The following AGMO variants were observed in gnomAD, a reference collection of about 807,000 sequenced individuals.
AGMO encodes the protein glyceryl-ether monooxygenase.
Under a neutral mutation model 60.2 loss-of-function variants are expected in AGMO, and 75 were observed. The observed-to-expected ratio is 1.25, with a 90% CI of 1.03 to 1.51. The LOEUF (loss-of-function observed/expected upper bound fraction) is 1.51, where lower values mean the gene tolerates loss of function less well. Among genes scored for constraint, AGMO ranks in the 40% most tolerant of loss-of-function variants. The pLI, the probability that AGMO is intolerant of heterozygous loss-of-function variation, is 0.00. For synonymous variants in AGMO, 261 were observed against 177.1 expected (o/e 1.47, Z -3.76); for missense variants, 763 against 525.5 (o/e 1.45, Z -4.42).
intron 3 of AGMO, among the ~76,000 whole-genome samples, chr7:15,537,797 G>C (rs901052460): frequency 6.6e-6 from 1 of 151,936 alleles, no homozygotes; most frequent in African/African-American, 2.4e-5. Flanking sequence ...AGCAAAGTTA[G>C]TCTGTATCTT....
chr7:15,221,105 T>C (rs1485913998), intron 12 of AGMO, among the ~76,000 whole-genome samples: 1 of 152,188 alleles, frequency 6.6e-6, no homozygotes, highest in Non-Finnish European at 1.5e-5. Flanking sequence ...TTTTCTGTTG[T>C]TGTTTTCTCA....
At chr7:15,260,584 C>T (rs950232547) in intron 12 of AGMO, among the ~76,000 whole-genome samples, 1 of 151,992 alleles carries the variant, frequency 6.6e-6, no homozygotes. Context: ...CTTTAATATT[C>T]CACTGACAGC....
intron 3 of AGMO, among the ~76,000 whole-genome samples, chr7:15,529,425 T>C (rs73679644): frequency 0.016 from 2,355 of 148,040 alleles, 53 homozygotes; most frequent in African/African-American, 0.055. Flanking sequence ...AGTAACTGGG[T>C]AGTTTAAAAC....
At chr7:15,438,289 A>G (rs1781456311) in intron 3 of AGMO, among the ~76,000 whole-genome samples, 1 of 151,910 alleles carries the variant, frequency 6.6e-6, no homozygotes, top group African/African-American at 2.4e-5. Flanking sequence ...GATTATAAAC[A>G]CATAAGAGTA....
downstream of AGMO, among the ~76,000 whole-genome samples, chr7:15,200,087 GT>G (rs1451751509): frequency 6.6e-6 from 1 of 151,508 alleles, no homozygotes; most frequent in African/African-American, 2.4e-5. Flanking sequence ...AACAGCATTA[GT>G]TTTTTTTAGT....
At chr7:15,305,377 A>C (rs1780583212) in intron 12 of AGMO, among the ~76,000 whole-genome samples, 1 of 151,960 alleles carries the variant, frequency 6.6e-6, no homozygotes, top group Non-Finnish European at 1.5e-5. Flanking sequence ...GAGGATTGGC[A>C]CTTATTGTGA....
chr7:15,132,813 CTTAT>C, the AGMO span, among the ~76,000 whole-genome samples: 2 of 152,058 alleles, frequency 1.3e-5, no homozygotes, highest in Admixed American at 6.6e-5. Flanking sequence ...AGGTTTTTCC[CTTAT>C]TTGTTTTCAT....
rs1583303057 is a variant in AGMO, at chr7:15,221,538, G to C, written c.1264-20179C>G. Among the ~76,000 whole-genome samples the C allele has an allele frequency of 2.6e-5, 4 of 152,028 alleles. No individual in the cohort carries two copies. The East Asian group carries it at 7.7e-4, about 29-fold the overall frequency. On this transcript the variant is annotated intron_variant, in intron 12 of 12. Transcript: ENST00000342526. ...TCCCCTTTCCTCCTAAAAAATTCAA[G>C]TACAGGGTTTTGGTTTCACAGCAGT...
chr7:15,390,651 AT>A lies in AGMO; in HGVS notation c.822+19del. On this transcript the variant is annotated intron_variant, in intron 8 of 12. Coordinates refer to ENST00000342526, the MANE Select transcript of AGMO (RefSeq NM_001004320.2). ...ATGAAATGATATAAATGAAGAAAGA[AT>A]AAAAAACAAGTATGTTACCTGCACT... 1 of 1,518,202 alleles carries A rather than the reference AT, an allele frequency of 6.6e-7. No individual in the cohort carries two copies. Among genetic ancestry groups the A allele is most frequent in the Non-Finnish European group, 9.0e-7 (1 of 1,108,168 alleles). The allele number at this position is 1,518,202 out of a possible 1,614,324, so 94.0% of individuals were successfully genotyped here.
the AGMO span, among the ~76,000 whole-genome samples, chr7:15,176,172 G>C: frequency 6.6e-6 from 1 of 151,890 alleles, no homozygotes; most frequent in Non-Finnish European, 1.5e-5. Context: ...AAAATGAAAA[G>C]CAAACACATA....
the AGMO span, among the ~76,000 whole-genome samples, chr7:15,164,695 T>TA: frequency 6.6e-6 from 1 of 151,966 alleles, no homozygotes; most frequent in African/African-American, 2.4e-5. Flanking sequence ...CACAATGAGA[T>TA]ACTCTCCCAC....
intron 12 of AGMO, among the ~76,000 whole-genome samples, chr7:15,351,422 C>A (rs928131041): frequency 6.6e-6 from 1 of 152,078 alleles, no homozygotes; most frequent in Non-Finnish European, 1.5e-5. Flanking sequence ...AACAGTGATT[C>A]TCAGGGGTGA....
chr7:15,213,030 T>C (rs1781639608), intron 12 of AGMO, among the ~76,000 whole-genome samples: 1 of 152,012 alleles, frequency 6.6e-6, no homozygotes, highest in Non-Finnish European at 1.5e-5. Flanking sequence ...GCATTGAAAA[T>C]GTATCATCGA....
chr7:15,543,755 A>T (rs945712081), intron 3 of AGMO, among the ~76,000 whole-genome samples: 2 of 151,946 alleles, frequency 1.3e-5, no homozygotes, highest in Non-Finnish European at 2.9e-5. Flanking sequence ...TATCTTTTTC[A>T]TATAATGATT....
At chr7:15,384,299 T>C (rs536284330) in intron 10 of AGMO, among the ~76,000 whole-genome samples, 4 of 152,186 alleles carry the variant, frequency 2.6e-5, no homozygotes, top group Admixed American at 2.0e-4. Context: ...GAGTGTTGCA[T>C]GCTAGTTATA....
chr7:15,521,862 A>T (rs1241592540), intron 3 of AGMO, among the ~76,000 whole-genome samples: 2 of 152,216 alleles, frequency 1.3e-5, no homozygotes, highest in African/African-American at 4.8e-5. Context: ...ATCAGGCAAG[A>T]GAAAGAAATA....
At chr7:15,224,053 T>C (rs908120889) in intron 12 of AGMO, among the ~76,000 whole-genome samples, 2 of 151,944 alleles carry the variant, frequency 1.3e-5, no homozygotes, top group Non-Finnish European at 2.9e-5. Context: ...TTATTATATG[T>C]GGGTAAAAAG....
At chr7:15,521,702 G>C (rs998719595) in intron 3 of AGMO, among the ~76,000 whole-genome samples, 11 of 151,968 alleles carry the variant, frequency 7.2e-5, no homozygotes, top group African/African-American at 2.7e-4. Context: ...GTATCCCAAA[G>C]TAATAAGAGC....
At chr7:15,463,074 T>TA (rs1782187476) in intron 3 of AGMO, among the ~76,000 whole-genome samples, 1 of 152,152 alleles carries the variant, frequency 6.6e-6, no homozygotes, top group Non-Finnish European at 1.5e-5. Flanking sequence ...GATATAAAAA[T>TA]AAGTACATTC....
Sources: allele counts gnomAD v4.1 joint callset (sites outside exome capture counted in the v4.1 genomes callset), GRCh38; gene constraint gnomAD v4.1.1; transcripts MANE v1.5; gene names NCBI Gene and HGNC (gene_info 2026-07-23, HGNC 2026-07-21).